Variants in ACSL1 observed in about 807,000 individuals in gnomAD.
The protein encoded by ACSL1 is long-chain-fatty-acid--CoA ligase 1.
A neutral mutation model predicts 98.4 loss-of-function variants in ACSL1; 41 were observed. The observed-to-expected ratio is 0.42, with a 90% CI of 0.32 to 0.54. ACSL1 has a LOEUF of 0.54. Ranked by LOEUF, ACSL1 falls within the 20% of genes least tolerant of loss-of-function variation. ACSL1 has a pLI of 0.13. For synonymous variants in ACSL1, 316 were observed against 322.7 expected, an observed-to-expected ratio of 0.98 and a Z score of 0.22; for missense variants, 734 against 883.1, an observed-to-expected ratio of 0.83 and a Z score of 2.14.
chr4:184,762,516 A>G lies in ACSL1; in HGVS notation c.1529T>C (p.Val510Ala). 6.2e-7 allele frequency: 1 copy of G among 1,613,846 alleles called. No homozygotes were observed. The highest frequency in any genetic ancestry group is 1.7e-5 in the Admixed American group (1 of 60,022). The change falls in exon 17 of 21, where the codon GTG becomes GCG. Residue 510 changes from valine (V) to alanine (A), a missense_variant. By Grantham distance (64) the Val-to-Ala change is moderately conservative. Coordinates refer to ENST00000281455, the MANE Select transcript of ACSL1 (RefSeq NM_001995.5). The part of the protein sequence containing the change: ...MAAEGEGEVC[V>A]KGPNVFQGYL... ...GCCCTGAAATACATTTGGCCCTTTC[A>G]CACACACCTAAAGAAAAGAAGATCA...
chr4:184,803,109 A>G lies in ACSL1; in HGVS notation c.195+211T>C, dbSNP rs1770799050. Among the ~76,000 whole-genome samples, 1 of 152,216 alleles carries G rather than the reference A, an allele frequency of 6.6e-6. No homozygotes were observed. Among genetic ancestry groups the G allele is most frequent in the Non-Finnish European group, 1.5e-5 (1 of 68,036 alleles). On this transcript the variant is annotated intron_variant, in intron 2 of 20. Coordinates refer to ENST00000281455, the MANE Select transcript of ACSL1 (RefSeq NM_001995.5). This position sits in a 1 kb window ranked among gnomAD's most constrained non-coding sequence, Gnocchi z 4.8. ...AATGATCTTCCATGTGACGAGAGGT[A>G]GACACCCAACCGACACCCTCTCATC...
chr4:184,762,146 C>A (rs905942874), intron 17 of ACSL1, among the ~76,000 whole-genome samples: 1 of 151,766 alleles, frequency 6.6e-6, no homozygotes, highest in African/African-American at 2.4e-5. Flanking sequence ...AAAAAAAACC[C>A]CAAAAACACA....
intron 7 of ACSL1, 93 bp downstream of exon 7, chr4:184,776,391 G>T: frequency 1.4e-6 from 2 of 1,405,992 alleles, no homozygotes; most frequent in Non-Finnish European, 1.9e-6. Context: ...CGCTGGGACT[G>T]CACCATAGCA....
In ACSL1 at chr4:184,812,260, G is replaced by A. The variant is rs150958735; in HGVS notation, c.-32-8714C>T. On this transcript the variant is annotated intron_variant, in intron 1 of 20. Transcript: ENST00000281455. ...TGCCCTTGGTTCTTAACACAGTCCC[G>A]AGCCAAGGACAGGTGCTTAACAAAC... The A allele has an allele frequency of 1.4e-4, 136 of 984,016 alleles. No homozygotes were observed. In the East Asian group the frequency reaches 5.9e-3, roughly 43 times the overall value. 61.0% of individuals were successfully genotyped at this position (984,016 alleles called of 1,614,324 possible). A position where few individuals can be genotyped will look rare whatever the true frequency, so the allele number is the denominator to read the frequency against.
intron 2 of ACSL1, among the ~76,000 whole-genome samples, chr4:184,802,646 A>C (rs1770721238): frequency 6.6e-6 from 1 of 152,198 alleles, no homozygotes; most frequent in Admixed American, 6.5e-5. Context: ...AAGGATCCTA[A>C]GGTTTCCTTA....
rs1762271780 is a variant in ACSL1, at chr4:184,757,529, A to G, written c.1956+106T>C. 1 of 1,087,912 alleles carries G rather than the reference A, an allele frequency of 9.2e-7. No individual in the cohort carries two copies. The highest frequency in any genetic ancestry group is 1.5e-5 in the South Asian group (1 of 67,032). 67.4% of individuals were successfully genotyped at this position (1,087,912 alleles called of 1,614,324 possible). ...CAAACTACTCCATTATTTATTCCTC[A>G]TGTATGTCTTTAGGTCACCCCATAT... On this transcript the variant is annotated intron_variant, in intron 20 of 20. Coordinates refer to ENST00000281455, the MANE Select transcript of ACSL1 (RefSeq NM_001995.5). The surrounding 1 kb of genome is among the most constrained non-coding windows in gnomAD (Gnocchi z 4.5).
At chr4:184,800,721 A>G (rs190470787) in intron 2 of ACSL1, among the ~76,000 whole-genome samples, 1 of 152,300 alleles carries the variant, frequency 6.6e-6, no homozygotes, top group Admixed American at 6.5e-5. Context: ...CAGGGCCCTG[A>G]TCAGTCCGGG....
chr4:184,808,239 A>G, intron 1 of ACSL1: 1 of 881,672 alleles, frequency 1.1e-6, no homozygotes, highest in Non-Finnish European at 1.3e-6. Context: ...ATACACAAAC[A>G]TACACACACA....
intron 14 of ACSL1, among the ~76,000 whole-genome samples, chr4:184,765,657 G>A (rs941356728): frequency 3.3e-5 from 5 of 152,000 alleles, no homozygotes; most frequent in African/African-American, 1.2e-4. Context: ...TTCTCACCAC[G>A]TGGGAAAAAA....
In ACSL1 at chr4:184,762,419, T is replaced by C. The variant is rs149636681; in HGVS notation, c.1626A>G (p.Gly542=). The change falls in exon 17 of 21, where the codon GGA becomes GGG. Residue 542 remains glycine (G), a synonymous_variant. Transcript: ENST00000281455. ...GGCGGCAACTTACTGGTAACCATTT[T>C]CCAATGTCCCCTGTGTGTAACCAGC... ...KDGWLHTGDI[G]KWLPNGTLKI... is the part of the protein sequence containing the mutation. The C allele has an allele frequency of 6.2e-6, 10 of 1,614,054 alleles. No homozygotes were observed. The African/African-American group carries it at 1.3e-4, about 22-fold the overall frequency.
chr4:184,787,230 T>C (rs1254626028), intron 3 of ACSL1, among the ~76,000 whole-genome samples: 3 of 152,126 alleles, frequency 2.0e-5, no homozygotes, highest in Admixed American at 6.5e-5. Context: ...AAACCAGAGG[T>C]ACTCCCTCCT....
intron 5 of ACSL1, among the ~76,000 whole-genome samples, chr4:184,778,354 A>G (rs1469083135): frequency 6.6e-6 from 1 of 152,198 alleles, no homozygotes; most frequent in Non-Finnish European, 1.5e-5. Flanking sequence ...TCCCAGAAGG[A>G]ATTTTCAGCC....
In ACSL1 at chr4:184,765,945, G is replaced by A. The variant is rs565295804; in HGVS notation, c.1305C>T (p.Ala435=). ...GGRVRLMVTG[A]APVSATVLTF... is the part of the protein sequence containing the mutation. ...TCAGCACAGTGGCAGACACCGGGGCGGCTCCTGTCACCATCAGCCGGACTC... is the reference window on the plus strand; with the variant it reads ...TCAGCACAGTGGCAGACACCGGGGCAGCTCCTGTCACCATCAGCCGGACTC... The change falls in exon 14 of 21, where the codon GCC becomes GCT. Residue 435 remains alanine (A), a synonymous_variant. Coordinates refer to ENST00000281455, the MANE Select transcript of ACSL1 (RefSeq NM_001995.5). 24 of 1,614,002 alleles carry A rather than the reference G, an allele frequency of 1.5e-5. No homozygotes were observed. Among genetic ancestry groups the A allele is most frequent in the Admixed American group, 3.3e-5 (2 of 60,018 alleles).
Position 184,776,990 on chromosome 4 carries a change from A to G in ACSL1, c.478-7T>C, listed in dbSNP as rs1561196821. 1.2e-6 allele frequency: 2 copies of G among 1,613,262 alleles called. No homozygotes were observed. The highest frequency in any genetic ancestry group is 2.2e-5 in the East Asian group (1 of 44,864). ...CTTGTTCAATAATCACCCACTAAAC[A>G]AACAGTAAAGGTCAGGGAGAGAAAA... On this transcript the variant is annotated splice_polypyrimidine_tract_variant and splice_region_variant and intron_variant, in intron 5 of 20. Coordinates refer to ENST00000281455, the MANE Select transcript of ACSL1 (RefSeq NM_001995.5).
At chr4:184,816,426 C>T (rs1772644695) in intron 1 of ACSL1, among the ~76,000 whole-genome samples, 1 of 151,898 alleles carries the variant, frequency 6.6e-6, no homozygotes, top group Non-Finnish European at 1.5e-5. Context: ...CTGGGGAAGC[C>T]AAAATCAAAA....
At chr4:184,761,591 C>A (rs1762863076) in intron 17 of ACSL1, among the ~76,000 whole-genome samples, 1 of 152,164 alleles carries the variant, frequency 6.6e-6, no homozygotes, top group African/African-American at 2.4e-5. Flanking sequence ...AGACTACATT[C>A]AACTAAATTC....
At chr4:184,763,318 A>C (rs1763122867) in intron 15 of ACSL1, 63 bp from the exon 16 acceptor site, 1 of 1,448,598 alleles carries the variant, frequency 6.9e-7, no homozygotes, top group Admixed American at 2.0e-5. Context: ...AGGTCAAATT[A>C]TTTTGATAGC....
intron 3 of ACSL1, among the ~76,000 whole-genome samples, chr4:184,785,204 A>T (rs959770017): frequency 2.0e-5 from 3 of 152,190 alleles, no homozygotes; most frequent in Non-Finnish European, 4.4e-5. Context: ...TTTACAGAAA[A>T]CATATGCCAG....
At chr4:184,763,280 C>T (rs751946654) in intron 15 of ACSL1, 25 bp from the exon 16 acceptor site, 1 of 1,604,246 alleles carries the variant, frequency 6.2e-7, no homozygotes, top group South Asian at 1.1e-5. Flanking sequence ...AGCAAATGGT[C>T]ATTCCTAAGG....
Sources: gnomAD v4.1 joint callset for allele counts (sites outside exome capture counted in the v4.1 genomes callset) on GRCh38, gnomAD v4.1.1 for gene constraint, Gnocchi (gnomAD v3.1) non-coding constraint, MANE v1.5 for transcripts, NCBI Gene and HGNC (gene_info 2026-07-23, HGNC 2026-07-21) for gene names.